Variants in CALN1 observed in about 807,000 individuals in gnomAD.
CALN1 encodes the protein calneuron 1.
CALN1 carries 17 observed loss-of-function variants against 30.6 expected under a neutral mutation model. That is an observed-to-expected ratio of 0.56 (90% confidence interval 0.38 to 0.83). The LOEUF is 0.83. Ranked by LOEUF, CALN1 falls within the 40% of genes least tolerant of loss-of-function variation. CALN1 has a pLI of 0.00. For missense variants in CALN1, 291 were observed against 354.9 expected (o/e 0.82, Z 1.45); for synonymous variants, 156 against 131.4 (o/e 1.19, Z -1.28).
chr7:71,900,008 G>A (rs574991094), intron 5 of CALN1, among the ~76,000 whole-genome samples: 3 of 152,128 alleles, frequency 2.0e-5, no homozygotes, highest in South Asian at 2.1e-4. Flanking sequence ...TAAAACCCAC[G>A]GAGTAAATAA....
chr7:72,196,465 C>G (rs1188752219), intron 3 of CALN1, among the ~76,000 whole-genome samples: 1 of 150,718 alleles, frequency 6.6e-6, no homozygotes, highest in Admixed American at 6.6e-5. Context: ...AGTGATTACC[C>G]TGATGGACAC....
chr7:72,475,646 T>C, the CALN1 span, among the ~76,000 whole-genome samples: 3 of 152,210 alleles, frequency 2.0e-5, no homozygotes, highest in Non-Finnish European at 2.9e-5. Flanking sequence ...AGGAAATGAA[T>C]TTCATGGCAT....
intron 4 of CALN1, among the ~76,000 whole-genome samples, chr7:72,081,706 G>A (rs1045268170): frequency 2.0e-5 from 3 of 151,916 alleles, no homozygotes; most frequent in Non-Finnish European, 2.9e-5. Context: ...ACAGGTATGA[G>A]CCCTGCTAAG....
chr7:72,432,242 C>A (rs59757368), intron 1 of CALN1, among the ~76,000 whole-genome samples: 8 of 152,132 alleles, frequency 5.3e-5, no homozygotes, highest in Non-Finnish European at 1.2e-4. Flanking sequence ...CTCTTGCCTG[C>A]CACCATGTAA....
the CALN1 span, among the ~76,000 whole-genome samples, chr7:72,475,561 T>C: frequency 6.6e-6 from 1 of 152,208 alleles, no homozygotes. Context: ...TTCTGATGCA[T>C]AGCTTTAATT....
intron 1 of CALN1, among the ~76,000 whole-genome samples, chr7:72,405,440 G>A (rs754085522): frequency 1.3e-5 from 2 of 152,094 alleles, no homozygotes; most frequent in Non-Finnish European, 2.9e-5. Flanking sequence ...GGGCAAACAG[G>A]CATGTCTTCA....
At chr7:72,027,940 T>C (rs1400245522) in intron 4 of CALN1, among the ~76,000 whole-genome samples, 1 of 150,716 alleles carries the variant, frequency 6.6e-6, no homozygotes, top group Non-Finnish European at 1.5e-5. Context: ...GCGCCTGTAG[T>C]CCCAGCTACG....
At chr7:72,259,629 A>G (rs932443506) in intron 3 of CALN1, among the ~76,000 whole-genome samples, 2 of 152,096 alleles carry the variant, frequency 1.3e-5, no homozygotes, top group Non-Finnish European at 2.9e-5. Flanking sequence ...GTGACTTTTA[A>G]TCCCTTTCAC....
chr7:72,485,900 A>C, the CALN1 span, among the ~76,000 whole-genome samples: 1 of 152,092 alleles, frequency 6.6e-6, no homozygotes, highest in Non-Finnish European at 1.5e-5. Flanking sequence ...CTGTTACTGG[A>C]CTAAATGTAG....
intron 4 of CALN1, among the ~76,000 whole-genome samples, 185 bp downstream of exon 4, chr7:72,105,966 C>T (rs1807076930): frequency 6.6e-6 from 1 of 152,096 alleles, no homozygotes. Flanking sequence ...GCCCTGAAAC[C>T]ATCTCTACAG....
chr7:72,343,544 C>CT (rs1259581113), intron 2 of CALN1, among the ~76,000 whole-genome samples: 2 of 91,382 alleles, frequency 2.2e-5, no homozygotes, highest in African/African-American at 9.5e-5. Context: ...GAGATTCTGT[C>CT]TCAAAAAAAA....
At chr7:72,159,663 T>A (rs940520101) in intron 3 of CALN1, among the ~76,000 whole-genome samples, 1 of 151,518 alleles carries the variant, frequency 6.6e-6, no homozygotes, top group African/African-American at 2.4e-5. Flanking sequence ...CTACGCATGG[T>A]GGTGGGCGCC....
intron 5 of CALN1, among the ~76,000 whole-genome samples, chr7:71,847,741 AAG>A (rs1311224529): frequency 1.8e-5 from 2 of 110,942 alleles, no homozygotes; most frequent in East Asian, 4.3e-4. Context: ...AGAAAGAAGA[AAG>A]AAGAAGAAAG....
At chr7:72,131,160 A>T (rs892927767) in intron 3 of CALN1, among the ~76,000 whole-genome samples, 5 of 152,194 alleles carry the variant, frequency 3.3e-5, no homozygotes, top group African/African-American at 4.8e-5. Context: ...CCAGCAGACC[A>T]TTACAGCACG....
At chr7:71,846,480 C>T (rs1790240945) in intron 5 of CALN1, among the ~76,000 whole-genome samples, 2 of 152,050 alleles carry the variant, frequency 1.3e-5, no homozygotes, top group Non-Finnish European at 2.9e-5. Flanking sequence ...TAGTCGGGTT[C>T]CCCAGAGAAA....
chr7:71,935,454 G>GGTGC, intron 5 of CALN1, among the ~76,000 whole-genome samples: 1 of 152,322 alleles, frequency 6.6e-6, no homozygotes, highest in Non-Finnish European at 1.5e-5. Flanking sequence ...CTCTAGGCCA[G>GGTGC]GTGCGGTGTT....
intron 1 of CALN1, among the ~76,000 whole-genome samples, chr7:72,419,923 G>A (rs1034979491): frequency 6.6e-6 from 1 of 152,036 alleles, no homozygotes; most frequent in Admixed American, 6.5e-5. Context: ...TCCACCAAGA[G>A]CCACTTCCAC....
intron 5 of CALN1, among the ~76,000 whole-genome samples, chr7:71,988,928 A>G (rs1198686291): frequency 1.3e-5 from 2 of 152,180 alleles, no homozygotes; most frequent in African/African-American, 2.4e-5. Context: ...GAGGGGCACA[A>G]TAACAGGCTC....
chr7:71,945,114 G>A (rs563823145), intron 5 of CALN1, among the ~76,000 whole-genome samples: 78 of 152,274 alleles, frequency 5.1e-4, no homozygotes, highest in African/African-American at 1.8e-3. Context: ...AGAGCTGGCT[G>A]TTTAAAAGAG....
Sources: gnomAD v4.1 joint callset for allele counts (sites outside exome capture counted in the v4.1 genomes callset) on GRCh38, gnomAD v4.1.1 for gene constraint, MANE v1.5 for transcripts, NCBI Gene and HGNC (gene_info 2026-07-23, HGNC 2026-07-21) for gene names.